Variants in MAPK10 observed in about 807,000 individuals in gnomAD.
MAPK10 encodes the protein mitogen-activated protein kinase 10.
A neutral mutation model predicts 59.3 loss-of-function variants in MAPK10; 25 were observed. That is an observed-to-expected ratio of 0.42 (90% CI 0.31 to 0.59). MAPK10 has a LOEUF of 0.59. Ranked by LOEUF, MAPK10 falls within the 20% of genes least tolerant of loss-of-function variation. The pLI is 0.15. For missense variants in MAPK10, 351 were observed against 568.9 expected, an observed-to-expected ratio of 0.62 and a Z score of 3.90; for synonymous variants, 190 against 200.5, an observed-to-expected ratio of 0.95 and a Z score of 0.44.
At chr4:86,433,937 C>T (rs534984514) in intron 1 of MAPK10, among the ~76,000 whole-genome samples, 93 of 152,298 alleles carry the variant, frequency 6.1e-4, no homozygotes, top group African/African-American at 2.2e-3. Flanking sequence ...ACTCTCCACA[C>T]GTATCACATG....
intron 2 of MAPK10, among the ~76,000 whole-genome samples, chr4:86,200,911 A>G (rs949785303): frequency 6.6e-6 from 1 of 151,904 alleles, no homozygotes; most frequent in Admixed American, 6.6e-5. Flanking sequence ...ATTATTGTCA[A>G]CTAGAATCAT....
At chr4:86,196,530 G>A (rs1181953076) in intron 2 of MAPK10, among the ~76,000 whole-genome samples, 1 of 152,082 alleles carries the variant, frequency 6.6e-6, no homozygotes, top group Non-Finnish European at 1.5e-5. Flanking sequence ...TCACTCTGAT[G>A]GTAGTTACTT....
At chr4:86,086,047 G>GA (rs758269465) in intron 9 of MAPK10, among the ~76,000 whole-genome samples, 12 of 152,104 alleles carry the variant, frequency 7.9e-5, no homozygotes, top group Non-Finnish European at 1.8e-4. Context: ...GAGAGCATTA[G>GA]GAAAACTAGC....
At chr4:86,497,271 C>T (rs994948051) in intron 1 of MAPK10, among the ~76,000 whole-genome samples, 4 of 152,296 alleles carry the variant, frequency 2.6e-5, no homozygotes, top group Admixed American at 6.5e-5. Context: ...ATTGTCAATG[C>T]CTGGAAGATT....
chr4:86,325,474 A>C (rs1006228580), intron 2 of MAPK10, among the ~76,000 whole-genome samples: 1 of 152,214 alleles, frequency 6.6e-6, no homozygotes. Context: ...ACCATACTAC[A>C]CTGCCTCTGA....
At chr4:86,073,261 G>T (rs1169304119) in intron 9 of MAPK10, among the ~76,000 whole-genome samples, 1 of 146,448 alleles carries the variant, frequency 6.8e-6, no homozygotes, top group African/African-American at 2.5e-5. Context: ...ATTTTTTATT[G>T]TGTCTATTTG....
intron 1 of MAPK10, among the ~76,000 whole-genome samples, chr4:86,483,427 TCTA>T: frequency 6.6e-6 from 1 of 152,188 alleles, no homozygotes; most frequent in Middle Eastern, 3.4e-3. Flanking sequence ...TATAATTACT[TCTA>T]CTGATAAGTA....
At chr4:86,086,003 C>T (rs1035897114) in intron 9 of MAPK10, among the ~76,000 whole-genome samples, 1 of 152,028 alleles carries the variant, frequency 6.6e-6, no homozygotes, top group East Asian at 1.9e-4. Context: ...ATAATACACA[C>T]TGGGGCCTGT....
At chr4:86,405,018 G>A (rs1744188035) in intron 1 of MAPK10, among the ~76,000 whole-genome samples, 1 of 152,086 alleles carries the variant, frequency 6.6e-6, no homozygotes, top group Non-Finnish European at 1.5e-5. Context: ...CAGGAGTTTG[G>A]CATGAGTCCC....
chr4:86,344,530 A>G (rs557997198), intron 2 of MAPK10, among the ~76,000 whole-genome samples: 3 of 144,286 alleles, frequency 2.1e-5, no homozygotes, highest in South Asian at 4.9e-4. Flanking sequence ...TTAGAAACAA[A>G]GTGAAATTTA....
At chr4:86,088,276 G>A (rs758173958) in intron 9 of MAPK10, among the ~76,000 whole-genome samples, 4 of 152,106 alleles carry the variant, frequency 2.6e-5, no homozygotes, top group Non-Finnish European at 4.4e-5. Context: ...TGACACTGGG[G>A]GCTCAAGCTA....
chr4:86,162,227 G>T (rs769259709), intron 3 of MAPK10, among the ~76,000 whole-genome samples: 2 of 151,582 alleles, frequency 1.3e-5, no homozygotes, highest in Non-Finnish European at 2.9e-5. Flanking sequence ...AAACTACCAA[G>T]CAGAAAAGGG....
chr4:86,245,599 G>T (rs186846367), intron 2 of MAPK10, among the ~76,000 whole-genome samples: 1 of 152,086 alleles, frequency 6.6e-6, no homozygotes, highest in Non-Finnish European at 1.5e-5. Flanking sequence ...CCCACAAAGC[G>T]GTGGGATTTT....
intron 9 of MAPK10, among the ~76,000 whole-genome samples, chr4:86,097,241 AC>A (rs2054406718): frequency 6.6e-6 from 1 of 151,922 alleles, no homozygotes; most frequent in Non-Finnish European, 1.5e-5. Context: ...GCTAGTGGCT[AC>A]CTACTAGACA....
At chr4:86,246,378 C>T (rs1434798308) in intron 2 of MAPK10, among the ~76,000 whole-genome samples, 1 of 152,122 alleles carries the variant, frequency 6.6e-6, no homozygotes, top group East Asian at 1.9e-4. Context: ...TTGCAGTGAG[C>T]CAAGATTGCG....
At chr4:86,098,889 A>T (rs2054754583) in intron 8 of MAPK10, 1 of 303,696 alleles carries the variant, frequency 3.3e-6, no homozygotes, top group South Asian at 6.0e-5. Flanking sequence ...AGCAATAGCT[A>T]AACCAAAAGT....
intron 2 of MAPK10, among the ~76,000 whole-genome samples, chr4:86,224,923 T>C (rs2090346221): frequency 6.6e-6 from 1 of 152,228 alleles, no homozygotes. Context: ...TTAAATCTTA[T>C]TTATTTTGCA....
chr4:86,304,206 A>C (rs1295776325), intron 2 of MAPK10, among the ~76,000 whole-genome samples: 1 of 152,202 alleles, frequency 6.6e-6, no homozygotes, highest in African/African-American at 2.4e-5. Context: ...ATTTGGGGCC[A>C]AATTGTGAAA....
intron 2 of MAPK10, among the ~76,000 whole-genome samples, chr4:86,295,312 T>C (rs372672788): frequency 4.6e-5 from 7 of 152,130 alleles, no homozygotes; most frequent in Non-Finnish European, 1.0e-4. Flanking sequence ...TACTCAAATG[T>C]CCCCTTTTCA....
Sources: gnomAD v4.1 joint callset for allele counts (sites outside exome capture counted in the v4.1 genomes callset) on GRCh38, gnomAD v4.1.1 for gene constraint, MANE v1.5 for transcripts, NCBI Gene and HGNC (gene_info 2026-07-23, HGNC 2026-07-21) for gene names.